Variants in RYR2 observed in about 807,000 individuals in gnomAD.
The protein encoded by RYR2 is cardiac muscle ryanodine receptor-calcium release channel.
In RYR2, 227 loss-of-function variants were observed where a neutral mutation model predicts 601.1. The observed-to-expected ratio is 0.38, with a 90% confidence interval of 0.34 to 0.42. RYR2 has a LOEUF of 0.42. Among genes scored for constraint, RYR2 ranks in the 10% least tolerant of loss-of-function variants. The probability of loss-of-function intolerance (pLI) is 1.00; values close to 1 mark genes in which losing one functional copy is unlikely to be tolerated. For synonymous variants in RYR2, 2,223 were observed against 2,175.1 expected, an observed-to-expected ratio of 1.02 and a Z score of -0.61; for missense variants, 4,646 against 6,156.5, an observed-to-expected ratio of 0.75 and a Z score of 8.21.
intron 1 of RYR2, among the ~76,000 whole-genome samples, chr1:237,239,477 C>A (rs1188235097): frequency 1.3e-5 from 2 of 152,172 alleles, no homozygotes; most frequent in Admixed American, 1.3e-4. Context: ...TTGCATAGCA[C>A]ATGAAGAAGC....
chr1:237,613,234 C>T (rs2148588333), intron 36 of RYR2, among the ~76,000 whole-genome samples: 1 of 152,292 alleles, frequency 6.6e-6, no homozygotes, highest in East Asian at 1.9e-4. Flanking sequence ...TTCTCCTTAA[C>T]ACATGTCACA....
chr1:237,508,811 C>G (rs1009376642), intron 23 of RYR2, among the ~76,000 whole-genome samples: 7 of 132,068 alleles, frequency 5.3e-5, no homozygotes, highest in South Asian at 2.5e-4. Context: ...GGCGGGATCT[C>G]GGCTCACTGC....
intron 1 of RYR2, among the ~76,000 whole-genome samples, chr1:237,110,231 G>A: frequency 6.6e-6 from 1 of 151,640 alleles, no homozygotes; most frequent in East Asian, 2.0e-4. Context: ...CAGAGTTTCT[G>A]ATTAGGTGGG....
intron 24 of RYR2, among the ~76,000 whole-genome samples, chr1:237,512,894 A>T (rs891311000): frequency 6.6e-6 from 1 of 152,090 alleles, no homozygotes; most frequent in South Asian, 2.1e-4. Flanking sequence ...ATAAAAATAA[A>T]TTTAAAAGGA....
chr1:237,374,216 G>A (rs1020602147), intron 6 of RYR2, among the ~76,000 whole-genome samples: 2 of 151,920 alleles, frequency 1.3e-5, no homozygotes, highest in African/African-American at 4.8e-5. Flanking sequence ...AGACTCTGCT[G>A]GTACAACTAT....
rs753089069 is a variant in RYR2, at chr1:237,784,453, G to A, written c.12741G>A (p.Ala4247=). The A allele has an allele frequency of 1.2e-6, 2 of 1,613,578 alleles. No individual in the cohort carries two copies. The highest frequency in any genetic ancestry group is 1.1e-5 in the South Asian group (1 of 91,036). ...TGACGGTCAGGTCGGCCCTGTTTGC[G>A]CTCAGGTACAATATCTTGACCCTTA... The part of the protein sequence containing the change: ...SILTVRSALF[A]LRYNILTLMR... The change falls in exon 90 of 105, where the codon GCG becomes GCA. Residue 4247 remains alanine (A), a synonymous_variant. Transcript: ENST00000366574. This position sits in a 1 kb window ranked among gnomAD's most constrained non-coding sequence, Gnocchi z 7.1.
chr1:237,753,250 A>G (rs1692682596), intron 80 of RYR2, among the ~76,000 whole-genome samples: 1 of 152,230 alleles, frequency 6.6e-6, no homozygotes, highest in Non-Finnish European at 1.5e-5. Context: ...TATTTTCTCC[A>G]TCGATGACGA....
intron 101 of RYR2, among the ~76,000 whole-genome samples, chr1:237,823,689 C>A (rs947152454): frequency 6.6e-6 from 1 of 152,072 alleles, no homozygotes; most frequent in Non-Finnish European, 1.5e-5. Flanking sequence ...CAGTGCAGAA[C>A]TGAATGAGAT....
chr1:237,082,887 C>CTA (rs1245284019), intron 1 of RYR2, among the ~76,000 whole-genome samples: 1 of 152,078 alleles, frequency 6.6e-6, no homozygotes, highest in East Asian at 1.9e-4. Context: ...TTATAAAATA[C>CTA]TAGAGAAATC....
chr1:237,767,725 C>T (rs1032094577), intron 84 of RYR2, among the ~76,000 whole-genome samples: 2 of 152,124 alleles, frequency 1.3e-5, no homozygotes, highest in Non-Finnish European at 1.5e-5. Context: ...ATACTTAAGC[C>T]GCTTAAACAG....
intron 25 of RYR2, among the ~76,000 whole-genome samples, chr1:237,533,702 A>G (rs1254980294): frequency 2.0e-5 from 3 of 152,160 alleles, no homozygotes; most frequent in Non-Finnish European, 2.9e-5. Flanking sequence ...TAAAAACTAA[A>G]TACATATTTT....
At chr1:237,230,927 CAAA>C (rs34596432) in intron 1 of RYR2, among the ~76,000 whole-genome samples, 2 of 105,876 alleles carry the variant, frequency 1.9e-5, no homozygotes, top group African/African-American at 3.7e-5. Context: ...AGACTCGTCT[CAAA>C]AAAAAAAAAA....
intron 16 of RYR2, among the ~76,000 whole-genome samples, chr1:237,458,361 A>G (rs1318140584): frequency 2.0e-5 from 3 of 152,170 alleles, no homozygotes; most frequent in Non-Finnish European, 4.4e-5. Context: ...CCCGGGAAGC[A>G]GAGGTTGCAG....
chr1:237,605,620 T>C (rs912550387), intron 35 of RYR2, among the ~76,000 whole-genome samples: 4 of 152,004 alleles, frequency 2.6e-5, no homozygotes, highest in South Asian at 2.1e-4. Context: ...AAAGAGGAAG[T>C]CAAATTGTCC....
At chr1:237,637,195 T>C (rs1558112103) in intron 44 of RYR2, among the ~76,000 whole-genome samples, 1 of 152,244 alleles carries the variant, frequency 6.6e-6, no homozygotes, top group African/African-American at 2.4e-5. Context: ...CTTGCTTCAC[T>C]ATAGTTGATA....
chr1:237,376,955 C>CA (rs1701086574), intron 7 of RYR2, among the ~76,000 whole-genome samples: 1 of 151,994 alleles, frequency 6.6e-6, no homozygotes, highest in South Asian at 2.1e-4. Context: ...TGAAAATTGA[C>CA]AAAAAACAAG....
At chr1:237,592,632 C>CAA (rs199976169) in intron 32 of RYR2, among the ~76,000 whole-genome samples, 2 of 91,836 alleles carry the variant, frequency 2.2e-5, no homozygotes, top group African/African-American at 3.5e-5. Context: ...GACTCTGTCT[C>CAA]AAAAAAAAAA....
chr1:237,811,736 T>C (rs1047040703), intron 100 of RYR2, among the ~76,000 whole-genome samples: 1 of 152,172 alleles, frequency 6.6e-6, no homozygotes, highest in Non-Finnish European at 1.5e-5. Context: ...CTTCCACACA[T>C]AGTTGACAGC....
At chr1:237,618,637 G>C (rs1678746989) in intron 38 of RYR2, among the ~76,000 whole-genome samples, 1 of 152,178 alleles carries the variant, frequency 6.6e-6, no homozygotes, top group African/African-American at 2.4e-5. Flanking sequence ...GGAAGGGGCA[G>C]CTTAGCAAGA....
Sources: allele counts gnomAD v4.1 joint callset (sites outside exome capture counted in the v4.1 genomes callset), GRCh38; gene constraint gnomAD v4.1.1; non-coding constraint Gnocchi (gnomAD v3.1); transcripts MANE v1.5; gene names NCBI Gene and HGNC (gene_info 2026-07-23, HGNC 2026-07-21).